Variants in COL19A1 observed in about 807,000 individuals in gnomAD.
COL19A1 encodes the protein collagen alpha-1(XIX) chain.
In COL19A1, 159 loss-of-function variants were observed where a neutral mutation model predicts 190.2. That is an observed-to-expected ratio of 0.84 (90% CI 0.73 to 0.95). The LOEUF is 0.95. COL19A1 is among the 40% of genes least tolerant of loss of function. The probability of loss-of-function intolerance (pLI) is 0.00; values close to 1 mark genes in which losing one functional copy is unlikely to be tolerated. For missense variants in COL19A1, 1,418 were observed against 1,431.9 expected, an observed-to-expected ratio of 0.99 and a Z score of 0.16; for synonymous variants, 509 against 458.9, an observed-to-expected ratio of 1.11 and a Z score of -1.39.
chr6:70,146,988 C>T (rs945252863), intron 27 of COL19A1, 99 bp downstream of exon 27: 27 of 1,053,660 alleles, frequency 2.6e-5, no homozygotes, highest in African/African-American at 1.4e-4. Context: ...AGGTCAGAGA[C>T]GGAAATACAA....
chr6:70,022,318 T>C (rs1778459994), intron 11 of COL19A1, among the ~76,000 whole-genome samples: 1 of 152,104 alleles, frequency 6.6e-6, no homozygotes, highest in Non-Finnish European at 1.5e-5. Flanking sequence ...AACACCTTAC[T>C]GATTGTACAG....
intron 14 of COL19A1, among the ~76,000 whole-genome samples, chr6:70,055,881 C>T (rs1265057783): frequency 6.8e-6 from 1 of 147,462 alleles, no homozygotes; most frequent in Non-Finnish European, 1.5e-5. Context: ...AATAGTTTGT[C>T]GTTTGTTTCG....
At chr6:70,130,062 C>A in intron 17 of COL19A1, 120 bp from the exon 18 acceptor site, 1 of 894,948 alleles carries the variant, frequency 1.1e-6, no homozygotes, top group East Asian at 2.6e-5. Flanking sequence ...GCACAAATGA[C>A]CTAGTATCCA....
intron 11 of COL19A1, among the ~76,000 whole-genome samples, chr6:69,994,128 T>C (rs1776773435): frequency 6.6e-6 from 1 of 151,994 alleles, no homozygotes; most frequent in South Asian, 2.1e-4. Context: ...GTAAATAACA[T>C]ATATGGATAG....
chr6:70,040,136 T>A (rs1363148161), intron 14 of COL19A1, among the ~76,000 whole-genome samples: 1 of 152,176 alleles, frequency 6.6e-6, no homozygotes, highest in African/African-American at 2.4e-5. Flanking sequence ...AAATTTTTTT[T>A]AATCACATAG....
At chr6:70,172,836 G>A (rs1469169805) in intron 41 of COL19A1, among the ~76,000 whole-genome samples, 1 of 152,178 alleles carries the variant, frequency 6.6e-6, no homozygotes, top group Non-Finnish European at 1.5e-5. Flanking sequence ...GTGGCATGAG[G>A]GAACTTGCAG....
intron 11 of COL19A1, among the ~76,000 whole-genome samples, chr6:69,975,849 T>G (rs1477929342): frequency 6.6e-6 from 1 of 152,192 alleles, no homozygotes; most frequent in East Asian, 1.9e-4. Context: ...GAAGGTAGAA[T>G]GAGCGTATTT....
At chr6:70,041,124 C>T (rs897824977) in intron 14 of COL19A1, among the ~76,000 whole-genome samples, 4 of 152,130 alleles carry the variant, frequency 2.6e-5, no homozygotes, top group African/African-American at 4.8e-5. Flanking sequence ...TCCATGGTTG[C>T]CACCATAAAC....
intron 9 of COL19A1, 118 bp from the exon 10 acceptor site, chr6:69,959,878 T>G (rs1166300604): frequency 1.4e-6 from 1 of 739,450 alleles, no homozygotes; most frequent in Admixed American, 3.1e-5. Flanking sequence ...GCATGATAGA[T>G]ATTCAGTATT....
At chr6:70,191,750 G>A (rs2150298506) in intron 48 of COL19A1, among the ~76,000 whole-genome samples, 1 of 152,252 alleles carries the variant, frequency 6.6e-6, no homozygotes, top group Admixed American at 6.5e-5. Flanking sequence ...AATCCATGTT[G>A]GTTCTCATGG....
intron 4 of COL19A1, among the ~76,000 whole-genome samples, chr6:69,900,657 T>G (rs1770127660): frequency 6.6e-6 from 1 of 152,148 alleles, no homozygotes. Flanking sequence ...AGGTAAACAT[T>G]AAAACATAAG....
chr6:70,046,794 T>C (rs1341492683), intron 14 of COL19A1, among the ~76,000 whole-genome samples: 1 of 152,144 alleles, frequency 6.6e-6, no homozygotes, highest in African/African-American at 2.4e-5. Flanking sequence ...ATTCTAATCA[T>C]AAAAATGTGA....
chr6:69,926,163 CCAG>C (rs1772377470), intron 4 of COL19A1, among the ~76,000 whole-genome samples: 1 of 152,204 alleles, frequency 6.6e-6, no homozygotes, highest in African/African-American at 2.4e-5. Context: ...CTGTCTTGTG[CCAG>C]TTTTCAAAGG....
At chr6:69,948,115 A>G (rs1420459706) in intron 9 of COL19A1, among the ~76,000 whole-genome samples, 2 of 151,872 alleles carry the variant, frequency 1.3e-5, no homozygotes, top group Non-Finnish European at 2.9e-5. Context: ...TTATTCTACC[A>G]ATCTTTTTCT....
At chr6:69,882,291 TTC>T (rs1263090648) in intron 2 of COL19A1, among the ~76,000 whole-genome samples, 2 of 152,244 alleles carry the variant, frequency 1.3e-5, no homozygotes, top group Non-Finnish European at 2.9e-5. Flanking sequence ...TCATTTCATA[TTC>T]TTTCGTCAAT....
intron 17 of COL19A1, among the ~76,000 whole-genome samples, chr6:70,124,214 G>A (rs1253518502): frequency 6.6e-6 from 1 of 152,126 alleles, no homozygotes; most frequent in Admixed American, 6.6e-5. Flanking sequence ...CACCTGTAAT[G>A]ACACCTGCTG....
chr6:69,988,479 C>A (rs916753096), intron 11 of COL19A1, among the ~76,000 whole-genome samples: 11 of 152,130 alleles, frequency 7.2e-5, no homozygotes, highest in African/African-American at 2.4e-4. Flanking sequence ...AACAAATGAT[C>A]GTTGCTACTG....
intron 1 of COL19A1, among the ~76,000 whole-genome samples, chr6:69,871,729 G>A (rs970357039): frequency 3.3e-5 from 5 of 151,086 alleles, no homozygotes; most frequent in Admixed American, 1.3e-4. Flanking sequence ...AAATGTTAAT[G>A]TTTCACAGGC....
At chr6:70,183,958 T>G (rs1286235604) in intron 44 of COL19A1, among the ~76,000 whole-genome samples, 1 of 152,180 alleles carries the variant, frequency 6.6e-6, no homozygotes, top group Non-Finnish European at 1.5e-5. Context: ...TTTTCCTTCT[T>G]ATATCTCCCA....
Sources: gnomAD v4.1 joint callset for allele counts (sites outside exome capture counted in the v4.1 genomes callset) on GRCh38, gnomAD v4.1.1 for gene constraint, MANE v1.5 for transcripts, NCBI Gene and HGNC (gene_info 2026-07-23, HGNC 2026-07-21) for gene names.